Variants in ITGA8 observed in about 807,000 individuals in gnomAD.
ITGA8 encodes the protein integrin subunit alpha 8.
ITGA8 carries 91 observed loss-of-function variants against 142.3 expected under a neutral mutation model. The observed-to-expected ratio is 0.64, with a 90% CI of 0.54 to 0.76. The LOEUF (loss-of-function observed/expected upper bound fraction) is 0.76. Ranked by LOEUF, ITGA8 falls within the 30% of genes least tolerant of loss-of-function variation. The pLI, the probability that ITGA8 is intolerant of heterozygous loss-of-function variation, is 0.00. For synonymous variants in ITGA8, 505 were observed against 485.2 expected, an observed-to-expected ratio of 1.04 and a Z score of -0.54; for missense variants, 1,406 against 1,327.7, an observed-to-expected ratio of 1.06 and a Z score of -0.92.
intron 23 of ITGA8, among the ~76,000 whole-genome samples, chr10:15,579,901 A>G (rs1340463798): frequency 6.6e-6 from 1 of 151,958 alleles, no homozygotes; most frequent in African/African-American, 2.4e-5. Flanking sequence ...AAATGCTTAT[A>G]TACAAAAAAA....
rs142097207 is a variant in ITGA8 at position 15,565,087 on chromosome 10, C to G, written c.2638-6885G>C. ...CAAAATATATGTGCAAACCTGAAGACCATCTCAAAGAGAAGGTAAAAATCT... is the reference window on the plus strand; with the variant it reads ...CAAAATATATGTGCAAACCTGAAGAGCATCTCAAAGAGAAGGTAAAAATCT... On this transcript the variant is annotated intron_variant, in intron 25 of 29. Transcript: ENST00000378076. Among the ~76,000 whole-genome samples the G allele has an allele frequency of 2.4e-3, 363 of 152,314 alleles. 4 individuals are homozygous for G. The highest frequency in any genetic ancestry group is 8.3e-3 in the African/African-American group (343 of 41,568).
intron 20 of ITGA8, among the ~76,000 whole-genome samples, chr10:15,602,730 C>G (rs1370842176): frequency 2.1e-5 from 3 of 140,622 alleles, no homozygotes; most frequent in Non-Finnish European, 4.8e-5. Context: ...AGAGCAAGAC[C>G]CTGTCTCAAA....
intron 2 of ITGA8, among the ~76,000 whole-genome samples, chr10:15,705,297 C>T (rs1036099032): frequency 1.1e-4 from 16 of 152,320 alleles, no homozygotes; most frequent in African/African-American, 2.9e-4. Flanking sequence ...TTCTCTTTGA[C>T]CTCCTCAACC....
intron 13 of ITGA8, among the ~76,000 whole-genome samples, chr10:15,636,997 T>C (rs1270453849): frequency 6.6e-6 from 1 of 151,962 alleles, no homozygotes; most frequent in Non-Finnish European, 1.5e-5. Flanking sequence ...ATACAAAAAT[T>C]AGCTGGGCGT....
At chr10:15,675,642 A>G (rs910999093) in intron 6 of ITGA8, among the ~76,000 whole-genome samples, 1 of 152,226 alleles carries the variant, frequency 6.6e-6, no homozygotes, top group Admixed American at 6.5e-5. Context: ...TAACGCAGCC[A>G]GAATGATCCT....
intron 24 of ITGA8, among the ~76,000 whole-genome samples, chr10:15,574,123 T>C (rs900608845): frequency 6.6e-6 from 1 of 151,928 alleles, no homozygotes; most frequent in Non-Finnish European, 1.5e-5. Context: ...TGCCCAGCCA[T>C]ATATGTTGGC....
chr10:15,606,464 T>C (rs1031361359), intron 17 of ITGA8, 42 bp from the exon 18 acceptor site: 1 of 1,560,834 alleles, frequency 6.4e-7, no homozygotes, highest in African/African-American at 1.4e-5. Context: ...CTCCATGAAA[T>C]AGCTGCAAGA....
chr10:15,549,842 C>A (rs540003546), intron 26 of ITGA8, among the ~76,000 whole-genome samples: 1 of 152,164 alleles, frequency 6.6e-6, no homozygotes, highest in Non-Finnish European at 1.5e-5. Flanking sequence ...CCTCAGAATT[C>A]TCTGCAAAGG....
intron 15 of ITGA8, among the ~76,000 whole-genome samples, chr10:15,609,974 T>C (rs1833263093): frequency 6.6e-6 from 1 of 152,196 alleles, no homozygotes; most frequent in Non-Finnish European, 1.5e-5. Flanking sequence ...TAAATGATGT[T>C]ATCAGCTAAA....
Position 15,718,759 on chromosome 10 carries a change from C to T in ITGA8, c.343+7G>A, listed in dbSNP as rs1460103730. The T allele has an allele frequency of 8.7e-6, 14 of 1,613,640 alleles. No individual in the cohort carries two copies. Among genetic ancestry groups the T allele is most frequent in the Non-Finnish European group, 1.2e-5 (14 of 1,179,756 alleles). ...GCCCACAGCTTAGAAGGACAAATCTCACTTACTGGTGGTGTCAAACGGTAT... is the reference window on the plus strand; with the variant it reads ...GCCCACAGCTTAGAAGGACAAATCTTACTTACTGGTGGTGTCAAACGGTAT... On this transcript the variant is annotated splice_region_variant and intron_variant, in intron 2 of 29. Coordinates refer to ENST00000378076, the MANE Select transcript of ITGA8 (RefSeq NM_003638.3).
At chr10:15,517,556 A>G (rs9333251) in intron 29 of ITGA8, among the ~76,000 whole-genome samples, 2,550 of 152,218 alleles carry the variant, frequency 0.017, 65 homozygotes, top group African/African-American at 0.059. Flanking sequence ...ACTCCTGACC[A>G]CAAGTGATCC....
At chr10:15,559,153 G>C (rs1833933404) in intron 25 of ITGA8, among the ~76,000 whole-genome samples, 3 of 152,204 alleles carry the variant, frequency 2.0e-5, no homozygotes, top group Admixed American at 6.5e-5. Context: ...AAACCTACTA[G>C]ACAAACAGAA....
At chr10:15,690,595 C>T (rs1013369281) in intron 2 of ITGA8, among the ~76,000 whole-genome samples, 2 of 152,174 alleles carry the variant, frequency 1.3e-5, no homozygotes, top group African/African-American at 4.8e-5. Flanking sequence ...GTGCCTGAAA[C>T]ATAGCACCCC....
intron 2 of ITGA8, among the ~76,000 whole-genome samples, chr10:15,695,508 A>G (rs1351249511): frequency 6.6e-6 from 1 of 152,196 alleles, no homozygotes; most frequent in East Asian, 1.9e-4. Context: ...AAATAAGCTG[A>G]CACACTGCTC....
intron 25 of ITGA8, among the ~76,000 whole-genome samples, chr10:15,567,705 C>T (rs1834103554): frequency 1.3e-5 from 2 of 152,174 alleles, no homozygotes; most frequent in African/African-American, 4.8e-5. Flanking sequence ...CAAGGCACTT[C>T]CATGCCCCTA....
At chr10:15,559,790 A>G (rs144199633) in intron 25 of ITGA8, among the ~76,000 whole-genome samples, 1,850 of 113,694 alleles carry the variant, frequency 0.016, 38 homozygotes, top group African/African-American at 0.058. Context: ...ACATGGACAC[A>G]GGGAGGGGTA....
intron 11 of ITGA8, among the ~76,000 whole-genome samples, chr10:15,653,759 C>T (rs1409387661): frequency 2.6e-5 from 4 of 152,012 alleles, no homozygotes; most frequent in Non-Finnish European, 4.4e-5. Flanking sequence ...GCATGTAGAT[C>T]TTTCAGACTG....
chr10:15,551,746 T>C (rs1360010370), intron 26 of ITGA8, among the ~76,000 whole-genome samples: 1 of 152,202 alleles, frequency 6.6e-6, no homozygotes, highest in Non-Finnish European at 1.5e-5. Context: ...ACAAAAAACG[T>C]AGGAGGTCTT....
At chr10:15,537,405 C>G (rs1432340953) in intron 27 of ITGA8, among the ~76,000 whole-genome samples, 1 of 152,198 alleles carries the variant, frequency 6.6e-6, no homozygotes, top group East Asian at 1.9e-4. Flanking sequence ...TTGTACCCGT[C>G]TTTCCCATAT....
Sources: allele counts gnomAD v4.1 joint callset (sites outside exome capture counted in the v4.1 genomes callset), GRCh38; gene constraint gnomAD v4.1.1; transcripts MANE v1.5; gene names NCBI Gene and HGNC (gene_info 2026-07-23, HGNC 2026-07-21).